Variants in NRG3 observed in about 807,000 individuals in gnomAD.
NRG3 encodes the protein neuregulin 3.
A neutral mutation model predicts 66.9 loss-of-function variants in NRG3; 31 were observed. That is an observed-to-expected ratio of 0.46 (90% CI 0.35 to 0.63). The LOEUF (loss-of-function observed/expected upper bound fraction) is 0.63. Among genes scored for constraint, NRG3 ranks in the 20% least tolerant of loss-of-function variants. The probability of loss-of-function intolerance (pLI) is 0.00; values close to 1 mark genes in which losing one functional copy is unlikely to be tolerated. For missense variants in NRG3, 910 were observed against 878.9 expected (o/e 1.04, Z -0.45); for synonymous variants, 393 against 359.4 (o/e 1.09, Z -1.06).
chr10:82,430,510 G>A (rs949410925), intron 2 of NRG3, among the ~76,000 whole-genome samples: 1 of 152,064 alleles, frequency 6.6e-6, no homozygotes, highest in Non-Finnish European at 1.5e-5. Context: ...ACCTGCCTTG[G>A]CCACCCAAAG....
chr10:82,050,527 ACT>A (rs2063541903), intron 1 of NRG3, among the ~76,000 whole-genome samples: 1 of 151,910 alleles, frequency 6.6e-6, no homozygotes, highest in Admixed American at 6.6e-5. Context: ...TGTCCTGCAG[ACT>A]AACGGCACAA....
chr10:82,920,447 T>C (rs958725807), intron 4 of NRG3, among the ~76,000 whole-genome samples: 12 of 152,146 alleles, frequency 7.9e-5, no homozygotes, highest in Non-Finnish European at 1.8e-4. Flanking sequence ...TATATATCAA[T>C]GTTTACATAT....
At chr10:82,466,841 G>A (rs1388558664) in intron 2 of NRG3, among the ~76,000 whole-genome samples, 2 of 151,604 alleles carry the variant, frequency 1.3e-5, no homozygotes, top group Non-Finnish European at 2.9e-5. Flanking sequence ...CGATGAGGAG[G>A]TGAGGACAGG....
At chr10:82,850,774 CATGACTTTGAGTTCA>C (rs2063524772) in intron 3 of NRG3, among the ~76,000 whole-genome samples, 1 of 150,270 alleles carries the variant, frequency 6.7e-6, no homozygotes, top group Admixed American at 6.6e-5. Context: ...GTAAAGATAA[CATGACTTTGAGTTCA>C]GTGAGATTGT....
At chr10:82,793,357 T>C (rs904894405) in intron 3 of NRG3, among the ~76,000 whole-genome samples, 9 of 152,156 alleles carry the variant, frequency 5.9e-5, no homozygotes, top group Non-Finnish European at 1.2e-4. Flanking sequence ...TATAATGTAA[T>C]TGGACGTATC....
At chr10:81,965,338 A>C (rs149098828) in intron 1 of NRG3, among the ~76,000 whole-genome samples, 1 of 152,234 alleles carries the variant, frequency 6.6e-6, no homozygotes, top group Non-Finnish European at 1.5e-5. Flanking sequence ...ACAAATTCTT[A>C]TCAGATGTGT....
At chr10:82,157,910 G>A (rs561262997) in intron 1 of NRG3, among the ~76,000 whole-genome samples, 1 of 151,812 alleles carries the variant, frequency 6.6e-6, no homozygotes, top group Admixed American at 6.6e-5. Flanking sequence ...ATTATCAAGT[G>A]ATGTTTTAGG....
chr10:82,048,934 C>T (rs2063449924), intron 1 of NRG3, among the ~76,000 whole-genome samples: 1 of 152,114 alleles, frequency 6.6e-6, no homozygotes, highest in East Asian at 1.9e-4. Context: ...AGCGATCCCA[C>T]AGAAATACAA....
At chr10:82,737,788 A>G (rs2058227474) in intron 2 of NRG3, among the ~76,000 whole-genome samples, 1 of 152,112 alleles carries the variant, frequency 6.6e-6, no homozygotes, top group African/African-American at 2.4e-5. Context: ...TGATTGAGCG[A>G]GCTATGTGAA....
At chr10:82,236,253 T>A (rs1020502036) in intron 1 of NRG3, among the ~76,000 whole-genome samples, 3 of 152,146 alleles carry the variant, frequency 2.0e-5, no homozygotes, top group Non-Finnish European at 2.9e-5. Context: ...GTAAATGAGA[T>A]AGCAAGCACA....
At chr10:82,110,207 C>A (rs2067304745) in intron 1 of NRG3, among the ~76,000 whole-genome samples, 1 of 152,056 alleles carries the variant, frequency 6.6e-6, no homozygotes, top group South Asian at 2.1e-4. Context: ...ATACAGATAT[C>A]TATGGTGAGT....
intron 1 of NRG3, among the ~76,000 whole-genome samples, chr10:82,242,614 G>T (rs1344669579): frequency 6.6e-6 from 1 of 152,130 alleles, no homozygotes; most frequent in Non-Finnish European, 1.5e-5. Flanking sequence ...ACCTGGAGAG[G>T]TTTGCATATT....
At chr10:82,456,513 C>A (rs548384900) in intron 2 of NRG3, among the ~76,000 whole-genome samples, 1 of 152,094 alleles carries the variant, frequency 6.6e-6, no homozygotes, top group African/African-American at 2.4e-5. Context: ...TCTAGGCCTA[C>A]TCAGGGTCAG....
chr10:82,217,272 A>G (rs2075735365), intron 1 of NRG3, among the ~76,000 whole-genome samples: 1 of 152,148 alleles, frequency 6.6e-6, no homozygotes, highest in Admixed American at 6.5e-5. Flanking sequence ...GTAAGCTGGT[A>G]GTTAGTGTGG....
chr10:82,371,317 A>C (rs985560792), intron 2 of NRG3, among the ~76,000 whole-genome samples: 1 of 152,184 alleles, frequency 6.6e-6, no homozygotes, highest in African/African-American at 2.4e-5. Flanking sequence ...AGAGCATTAC[A>C]CCTGGTTTGG....
At chr10:82,674,887 A>G (rs1459576245) in intron 2 of NRG3, among the ~76,000 whole-genome samples, 4 of 151,864 alleles carry the variant, frequency 2.6e-5, no homozygotes, top group Non-Finnish European at 2.9e-5. Flanking sequence ...ACCATGGGGG[A>G]GAGGGAATTA....
At chr10:82,168,230 T>C (rs2072260027) in intron 1 of NRG3, among the ~76,000 whole-genome samples, 1 of 152,136 alleles carries the variant, frequency 6.6e-6, no homozygotes, top group Non-Finnish European at 1.5e-5. Flanking sequence ...TTTGTCAACA[T>C]TTGGCTGTCT....
intron 1 of NRG3, among the ~76,000 whole-genome samples, chr10:81,882,638 T>C (rs143981033): frequency 7.1e-4 from 108 of 152,298 alleles, no homozygotes; most frequent in Middle Eastern, 3.4e-3. Context: ...TCACTGTTTT[T>C]ATGTCAAGTG....
chr10:82,814,562 C>G (rs1365470292), intron 3 of NRG3, among the ~76,000 whole-genome samples: 2 of 152,140 alleles, frequency 1.3e-5, no homozygotes, highest in Non-Finnish European at 2.9e-5. Flanking sequence ...CTCTCATCCT[C>G]CCATGATGCC....
Sources: gnomAD v4.1 joint callset for allele counts (sites outside exome capture counted in the v4.1 genomes callset) on GRCh38, gnomAD v4.1.1 for gene constraint, MANE v1.5 for transcripts, NCBI Gene and HGNC (gene_info 2026-07-23, HGNC 2026-07-21) for gene names.